The following SPTA1 variants were observed in gnomAD, a reference collection of about 807,000 sequenced individuals.
SPTA1 encodes the protein spectrin alpha chain, erythrocytic 1.
In SPTA1, 177 loss-of-function variants were observed where a neutral mutation model predicts 324.7. That is an observed-to-expected ratio of 0.55 (90% CI 0.48 to 0.62). The LOEUF (loss-of-function observed/expected upper bound fraction) is 0.62, where lower values mean the gene tolerates loss of function less well. Ranked by LOEUF, SPTA1 falls within the 20% of genes least tolerant of loss-of-function variation. The pLI, the probability that SPTA1 is intolerant of heterozygous loss-of-function variation, is 0.00. For missense variants in SPTA1, 3,162 were observed against 2,883.6 expected (o/e 1.10, Z -2.21); for synonymous variants, 1,195 against 1,041.3 (o/e 1.15, Z -2.84).
At chr1:158,630,417 A>G (rs906677184) in intron 39 of SPTA1, among the ~76,000 whole-genome samples, 1 of 152,068 alleles carries the variant, frequency 6.6e-6, no homozygotes, top group Non-Finnish European at 1.5e-5. Flanking sequence ...TTTAACAAAT[A>G]GTGCTGGGAA....
chr1:158,652,146 C>T (rs1652489861), intron 23 of SPTA1, among the ~76,000 whole-genome samples: 1 of 152,168 alleles, frequency 6.6e-6, no homozygotes, highest in Non-Finnish European at 1.5e-5. Flanking sequence ...CATGGTACAA[C>T]AATACCTTAT....
chr1:158,666,081 A>G (rs1295010376), intron 16 of SPTA1, among the ~76,000 whole-genome samples: 2 of 152,046 alleles, frequency 1.3e-5, no homozygotes, highest in Non-Finnish European at 2.9e-5. Context: ...TTTACTAAAA[A>G]TTTCGAATTT....
intron 17 of SPTA1, 62 bp downstream of exon 17, chr1:158,662,640 C>T: frequency 6.2e-7 from 1 of 1,610,234 alleles, no homozygotes; most frequent in Non-Finnish European, 8.5e-7. Context: ...TACCCCAGAT[C>T]TCTCTCAATA....
chr1:158,653,432 G>C lies in SPTA1; in HGVS notation c.3037-7C>G. On this transcript the variant is annotated splice_polypyrimidine_tract_variant and splice_region_variant and intron_variant, in intron 21 of 51. Transcript: ENST00000643759. ...CTTCCACCTTCCACCAGTCCTGAAG[G>C]GAGAGCAGATCCCCACTCCGTCATT... 2 of 1,613,930 alleles carry C rather than the reference G, an allele frequency of 1.2e-6. No individual in the cohort carries two copies. The highest frequency in any genetic ancestry group is 1.7e-6 in the Non-Finnish European group (2 of 1,179,986).
intron 10 of SPTA1, 33 bp from the exon 11 acceptor site, chr1:158,672,229 ATAAT>A: frequency 6.3e-7 from 1 of 1,581,028 alleles, no homozygotes; most frequent in Non-Finnish European, 8.6e-7. Flanking sequence ...TATATGGAAG[ATAAT>A]TAATTTATTT....
intron 39 of SPTA1, among the ~76,000 whole-genome samples, 199 bp downstream of exon 39, chr1:158,634,344 A>G (rs1464881733): frequency 6.6e-6 from 1 of 152,190 alleles, no homozygotes; most frequent in East Asian, 1.9e-4. Flanking sequence ...TTCATGCCTG[A>G]TTGGTTCCGT....
Position 158,642,908 on chromosome 1 carries a change from T to C in SPTA1, c.4511A>G (p.Gln1504Arg). The C allele has an allele frequency of 6.2e-7, 1 of 1,613,876 alleles. No homozygotes were observed. Among genetic ancestry groups the C allele is most frequent in the Non-Finnish European group, 8.5e-7 (1 of 1,179,872 alleles). ...CAGCTCCTCAAGGTCTCGGTAGAAT[T>C]GTTTTAGGTTGGCATAGTCTCCAAG... is the stretch of plus-strand genomic sequence containing the variant. The part of the protein sequence containing the change: ...TKLGDYANLK[Q>R]FYRDLEELEE... Residue 1504 changes from glutamine (Q) to arginine (R), a missense_variant, in exon 32 of 52, where the codon CAA (glutamine) becomes CGA (arginine). Coordinates refer to ENST00000643759, the MANE Select transcript of SPTA1 (RefSeq NM_003126.4).
At position 158,677,011 on chromosome 1, in the gene SPTA1, C is replaced by A. The variant is rs530412585; in HGVS notation, c.957+679G>T. ...GTAGAATGGTGGAAGTTTGCAGAAA[C>A]TGGACACAGGGACAGGCCTAAAATT... On this transcript the variant is annotated intron_variant, in intron 7 of 51. Coordinates refer to ENST00000643759, the MANE Select transcript of SPTA1 (RefSeq NM_003126.4). Among the ~76,000 whole-genome samples, 9 of 152,242 alleles carry A rather than the reference C, an allele frequency of 5.9e-5. No individual in the cohort carries two copies. The South Asian group carries it at 1.7e-3, about 28-fold the overall frequency.
chr1:158,658,082 G>C (rs755354752), intron 18 of SPTA1, among the ~76,000 whole-genome samples: 7 of 152,150 alleles, frequency 4.6e-5, no homozygotes, highest in African/African-American at 7.2e-5. Flanking sequence ...TAAACAACTA[G>C]AAAACAGGAA....
In SPTA1 at chr1:158,639,636, T is replaced by C; in HGVS notation, c.4926A>G (p.Ala1642=). ...GCTGATGCTTCTTGAGTAGGTTTCC[T>C]GCTGAAGCCAAGTCCCTGGCCTGAT... ...MKDQARDLAS[A]GNLLKKHQLL... The change falls in exon 35 of 52, where the codon GCA becomes GCG. Residue 1642 remains alanine (A), a synonymous_variant. Transcript: ENST00000643759. 1.9e-6 allele frequency: 3 copies of C among 1,613,930 alleles called. No individual in the cohort carries two copies. The highest frequency in any genetic ancestry group is 2.5e-6 in the Non-Finnish European group (3 of 1,179,894).
intron 13 of SPTA1, 56 bp downstream of exon 13, chr1:158,669,653 A>G: frequency 6.2e-7 from 1 of 1,613,878 alleles, no homozygotes; most frequent in Admixed American, 1.7e-5. Flanking sequence ...TGCCCACCAA[A>G]ACTCTTCTTG....
Position 158,668,204 on chromosome 1 carries a change from A to G in SPTA1, c.1834-142T>C, listed in dbSNP as rs73018285. ...TAAAAGGGGGAAGTTTCCTAGTCCA[A>G]CGTTTGAGAAATTCATGCAATGAAT... On this transcript the variant is annotated intron_variant, in intron 14 of 51. Transcript: ENST00000643759. 7.4e-3 allele frequency: 6,970 copies of G among 947,048 alleles called. 347 individuals are homozygous for G. The African/African-American group carries it at 0.1, about 14-fold the overall frequency. 58.7% of individuals were successfully genotyped at this position (947,048 alleles called of 1,614,324 possible). A position where few individuals can be genotyped will look rare whatever the true frequency, so the allele number is the denominator to read the frequency against.
chr1:158,640,098 C>T, intron 33 of SPTA1, 91 bp from the exon 34 acceptor site: 1 of 1,564,140 alleles, frequency 6.4e-7, no homozygotes, highest in Admixed American at 1.7e-5. Flanking sequence ...GCTGTGAAGG[C>T]AGGAACTAGC....
intron 24 of SPTA1, among the ~76,000 whole-genome samples, chr1:158,650,627 C>A (rs1375317878): frequency 6.6e-6 from 1 of 152,006 alleles, no homozygotes; most frequent in African/African-American, 2.4e-5. Flanking sequence ...TCAACCTCTT[C>A]CCACTATCAT....
At chr1:158,628,689 T>A (rs1385340299) in intron 39 of SPTA1, among the ~76,000 whole-genome samples, 2 of 152,170 alleles carry the variant, frequency 1.3e-5, no homozygotes, top group African/African-American at 2.4e-5. Flanking sequence ...AAATAAAGTA[T>A]CTTTAACATC....
At chr1:158,654,273 C>T (rs1158582867) in intron 21 of SPTA1, among the ~76,000 whole-genome samples, 1 of 152,100 alleles carries the variant, frequency 6.6e-6, no homozygotes, top group Non-Finnish European at 1.5e-5. Flanking sequence ...AATACTGGCA[C>T]AGAAGAGGAA....
At position 158,614,323 on chromosome 1, in the gene SPTA1, A is replaced by G; in HGVS notation, c.6789-17T>C. On this transcript the variant is annotated splice_polypyrimidine_tract_variant and intron_variant, in intron 48 of 51. Coordinates refer to ENST00000643759, the MANE Select transcript of SPTA1 (RefSeq NM_003126.4). ...TTGATGTCCCTGAAAGAAAAAAAAA[A>G]AACATGAATTTTCCCTGTATATGAA... 6.3e-7 allele frequency: 1 copy of G among 1,575,580 alleles called. No homozygotes were observed. Among genetic ancestry groups the G allele is most frequent in the Non-Finnish European group, 8.7e-7 (1 of 1,149,472 alleles).
chr1:158,662,605 C>A, intron 17 of SPTA1, 97 bp downstream of exon 17: 2 of 1,553,922 alleles, frequency 1.3e-6, no homozygotes, highest in Non-Finnish European at 1.8e-6. Context: ...CAGCTAAGAG[C>A]AAGCTTTCTA....
intron 18 of SPTA1, among the ~76,000 whole-genome samples, chr1:158,660,125 G>T (rs1332696): frequency 0.088 from 13,375 of 152,004 alleles, 1,950 homozygotes; most frequent in African/African-American, 0.3. Context: ...GACATAAAGT[G>T]ATAGATAAAA....
Sources: allele counts gnomAD v4.1 joint callset (sites outside exome capture counted in the v4.1 genomes callset), GRCh38; gene constraint gnomAD v4.1.1; transcripts MANE v1.5; gene names NCBI Gene and HGNC (gene_info 2026-07-23, HGNC 2026-07-21).